Variants in ANP32A observed in about 807,000 individuals in gnomAD.
The protein encoded by ANP32A is acidic leucine-rich nuclear phosphoprotein 32 family member A.
ANP32A carries 1 observed loss-of-function variant against 33.9 expected under a neutral mutation model. That is an observed-to-expected ratio of 0.03 (90% CI 0.01 to 0.14). The LOEUF (loss-of-function observed/expected upper bound fraction) is 0.14, where lower values mean the gene tolerates loss of function less well. ANP32A is among the 10% of genes least tolerant of loss of function. The probability of loss-of-function intolerance (pLI) is 1.00; values close to 1 mark genes in which losing one functional copy is unlikely to be tolerated. For missense variants in ANP32A, 155 were observed against 306.0 expected, an observed-to-expected ratio of 0.51 and a Z score of 3.68; for synonymous variants, 115 against 120.5, an observed-to-expected ratio of 0.95 and a Z score of 0.30.
chr15:68,787,379 C>A (rs751314598), intron 3 of ANP32A, 34 bp downstream of exon 3: 1 of 1,613,862 alleles, frequency 6.2e-7, no homozygotes, highest in Non-Finnish European at 8.5e-7. Flanking sequence ...CCACCTCCTA[C>A]CCCTGCAGGG....
intron 5 of ANP32A, among the ~76,000 whole-genome samples, chr15:68,782,350 T>C (rs1893880376): frequency 6.6e-6 from 1 of 152,298 alleles, no homozygotes; most frequent in African/African-American, 2.4e-5. Flanking sequence ...TCATGATCCC[T>C]ATTTTACAGA....
intron 1 of ANP32A, among the ~76,000 whole-genome samples, chr15:68,803,208 C>T (rs924882277): frequency 3.9e-5 from 6 of 152,162 alleles, no homozygotes; most frequent in Admixed American, 3.3e-4. Context: ...AATGGGTGGC[C>T]TTACCTACAC....
In ANP32A at chr15:68,783,883, C is replaced by T. The variant is rs577167392; in HGVS notation, c.526+514G>A. ...GTAGGCTGCAACCACCAGGGGGCCC[C>T]ACAACCCCTCTAGCTCTGGACCTCC... On this transcript the variant is annotated intron_variant, in intron 4 of 6. Coordinates refer to ENST00000465139, the MANE Select transcript of ANP32A (RefSeq NM_006305.4). Among the ~76,000 whole-genome samples the T allele has an allele frequency of 1.5e-3, 229 of 152,246 alleles. 2 individuals are homozygous for T. The highest frequency in any genetic ancestry group is 5.2e-3 in the African/African-American group (214 of 41,532).
At chr15:68,790,174 C>T (rs1459514443) in intron 1 of ANP32A, 2 of 152,282 alleles carry the variant, frequency 1.3e-5, no homozygotes, top group Non-Finnish European at 2.9e-5. Context: ...TGAAGCTCCA[C>T]CAAAGCAAGG....
At chr15:68,806,210 A>C (rs1894220393) in intron 1 of ANP32A, among the ~76,000 whole-genome samples, 1 of 152,182 alleles carries the variant, frequency 6.6e-6, no homozygotes, top group Admixed American at 6.5e-5. Context: ...GGGGCTAATA[A>C]GCCATTGGTC....
chr15:68,782,438 C>A (rs756021384), intron 5 of ANP32A, among the ~76,000 whole-genome samples: 10 of 152,238 alleles, frequency 6.6e-5, no homozygotes, highest in Non-Finnish European at 1.5e-4. Flanking sequence ...GGGACTCACC[C>A]CCTCACAGAT....
intron 1 of ANP32A, among the ~76,000 whole-genome samples, chr15:68,819,340 G>C (rs898745364): frequency 1.3e-5 from 2 of 152,228 alleles, no homozygotes; most frequent in Non-Finnish European, 2.9e-5. Context: ...TTGAAAGCGA[G>C]AGGGAGGCAG....
At chr15:68,809,841 A>G (rs1361705552) in intron 1 of ANP32A, among the ~76,000 whole-genome samples, 2 of 152,258 alleles carry the variant, frequency 1.3e-5, no homozygotes, top group Non-Finnish European at 2.9e-5. Context: ...TGCCAGGCAC[A>G]GTGTGGAGCT....
In ANP32A at chr15:68,801,864, G is replaced by A. The variant is rs540628020; in HGVS notation, c.55-13945C>T. Reference sequence around the variant, plus strand: ...CAGAGGATAAACTCTGAGGAATGGGGACAGGAACAAGGCCTGACTCCTCTG... The same window carrying A: ...CAGAGGATAAACTCTGAGGAATGGGAACAGGAACAAGGCCTGACTCCTCTG... On this transcript the variant is annotated intron_variant, in intron 1 of 6. Transcript: ENST00000465139. 3 of 154,784 alleles carry A rather than the reference G, an allele frequency of 1.9e-5. No individual in the cohort carries two copies. The South Asian group carries it at 6.1e-4, about 31-fold the overall frequency. 9.6% of individuals were successfully genotyped at this position (154,784 alleles called of 1,614,324 possible).
intron 1 of ANP32A, among the ~76,000 whole-genome samples, chr15:68,815,796 T>C (rs1313914398): frequency 6.6e-6 from 1 of 152,198 alleles, no homozygotes; most frequent in African/African-American, 2.4e-5. Flanking sequence ...AAAAATCAGA[T>C]GATTCATCCT....
chr15:68,790,681 TATCCTAAA>T (rs1448647617), intron 1 of ANP32A: 1 of 152,162 alleles, frequency 6.6e-6, no homozygotes, highest in Non-Finnish European at 1.5e-5. Flanking sequence ...CCGAACTGCT[TATCCTAAA>T]ATCCCAAAAG....
In ANP32A at chr15:68,780,153, A is replaced by T. The variant is rs759004064; in HGVS notation, c.689-11T>A. The T allele has an allele frequency of 3.7e-6, 6 of 1,613,508 alleles. No homozygotes were observed. In the East Asian group the frequency reaches 8.9e-5, roughly 24 times the overall value. ...GACCCCTTTCTTCTTCTGGAAAAGTAAGAAAGCGGCATTTAGATTAGTTAT... is the reference window on the plus strand; with the variant it reads ...GACCCCTTTCTTCTTCTGGAAAAGTTAGAAAGCGGCATTTAGATTAGTTAT... On this transcript the variant is annotated splice_polypyrimidine_tract_variant and intron_variant, in intron 6 of 6. Coordinates refer to ENST00000465139, the MANE Select transcript of ANP32A (RefSeq NM_006305.4). This position sits in a 1 kb window ranked among gnomAD's most constrained non-coding sequence, Gnocchi z 4.3.
rs968537024 is a variant in ANP32A, at chr15:68,820,844, G to A, written c.-93C>T. ...GGCCGCGCGTTTTAGGACTTTGAAG[G>A]CTCAACCAGCTCCGCTCGGTTCTCG... On this transcript the variant is annotated 5_prime_UTR_variant, in exon 1 of 7. Coordinates refer to ENST00000465139, the MANE Select transcript of ANP32A (RefSeq NM_006305.4). 1.4e-6 allele frequency: 2 copies of A among 1,452,216 alleles called. No individual in the cohort carries two copies. Among genetic ancestry groups the A allele is most frequent in the South Asian group, 1.2e-5 (1 of 86,412 alleles). The allele number at this position is 1,452,216 out of a possible 1,614,324, so 90.0% of individuals were successfully genotyped here.
At chr15:68,784,254 G>A (rs1893904939) in intron 4 of ANP32A, 143 bp downstream of exon 4, 2 of 880,522 alleles carry the variant, frequency 2.3e-6, no homozygotes, top group African/African-American at 3.4e-5. Context: ...TTTGGAAGGT[G>A]GTAGCTACCA....
rs570406834 is a variant in ANP32A, at chr15:68,801,183, G to A, written c.55-13264C>T. On this transcript the variant is annotated intron_variant, in intron 1 of 6. Coordinates refer to ENST00000465139, the MANE Select transcript of ANP32A (RefSeq NM_006305.4). The stretch of plus-strand genomic sequence containing the variant: ...ACCTGAGATCTGGCCATAAGCCTAA[G>A]AGTTACCTTGCTCTGCCTTAAAGGA... 5.6e-5 allele frequency among the ~76,000 whole-genome samples: 8 copies of A among 142,798 alleles called. 1 individual carries two copies. In the East Asian group the frequency reaches 1.5e-3, roughly 26 times the overall value. The allele number at this position is 142,798 out of a possible 152,430, so 93.7% of individuals were successfully genotyped here. A position where few individuals can be genotyped will look rare whatever the true frequency, so the allele number is the denominator to read the frequency against.
chr15:68,818,295 C>T, intron 1 of ANP32A: 1 of 262,162 alleles, frequency 3.8e-6, no homozygotes. Context: ...GCTCCCGGAG[C>T]CCAGTTGGGA....
chr15:68,793,194 T>C (rs1551345), intron 1 of ANP32A, among the ~76,000 whole-genome samples: 24,759 of 152,214 alleles, frequency 0.16, 2,829 homozygotes, highest in East Asian at 0.36. Context: ...CCAGAGCAAC[T>C]GCTTAACAAA....
rs897147596 is a variant in ANP32A at position 68,780,702 on chromosome 15, G to A, written c.625-229C>T. ...TGAACTCCTTCTCCAGAAAATGTCC[G>A]TATCATTTATAATATTTGCAAGCAG... On this transcript the variant is annotated intron_variant, in intron 5 of 6. Coordinates refer to ENST00000465139, the MANE Select transcript of ANP32A (RefSeq NM_006305.4). This position sits in a 1 kb window ranked among gnomAD's most constrained non-coding sequence, Gnocchi z 4.3. The A allele has an allele frequency of 6.6e-5, 40 of 606,020 alleles. No homozygotes were observed. The highest frequency in any genetic ancestry group is 1.1e-4 in the African/African-American group (6 of 53,514). 37.5% of individuals were successfully genotyped at this position (606,020 alleles called of 1,614,324 possible).
At chr15:68,818,870 G>T (rs1294244299) in intron 1 of ANP32A, among the ~76,000 whole-genome samples, 1 of 151,806 alleles carries the variant, frequency 6.6e-6, no homozygotes, top group African/African-American at 2.4e-5. Context: ...TAGGCGCCGG[G>T]TCCCGGCCGG....
Sources: gnomAD v4.1 joint callset for allele counts (sites outside exome capture counted in the v4.1 genomes callset) on GRCh38, gnomAD v4.1.1 for gene constraint, Gnocchi (gnomAD v3.1) non-coding constraint, MANE v1.5 for transcripts, NCBI Gene and HGNC (gene_info 2026-07-23, HGNC 2026-07-21) for gene names.